Variants in PTPRD observed in about 807,000 individuals in gnomAD.
PTPRD encodes protein tyrosine phosphatase receptor type D, also known as receptor-type tyrosine-protein phosphatase delta.
Under a neutral mutation model 214.5 loss-of-function variants are expected in PTPRD, and 34 were observed. The ratio of observed to expected loss-of-function variants is 0.16; its 90% CI spans 0.12 to 0.21. The LOEUF is 0.21. PTPRD is among the 10% of genes least tolerant of loss of function. The pLI is 1.00. For missense variants in PTPRD, 2,545 were observed against 2,398.7 expected (o/e 1.06, Z -1.27); for synonymous variants, 1,128 against 845.7 (o/e 1.33, Z -5.79).
chr9:9,981,575 T>C (rs577962737), intron 4 of PTPRD, among the ~76,000 whole-genome samples: 65 of 151,990 alleles, frequency 4.3e-4, no homozygotes, highest in African/African-American at 1.5e-3. Context: ...TTAGCCAGGA[T>C]GGTCTCGATC....
chr9:9,902,460 G>T (rs555952406), intron 5 of PTPRD, among the ~76,000 whole-genome samples: 2 of 152,038 alleles, frequency 1.3e-5, no homozygotes, highest in Non-Finnish European at 2.9e-5. Flanking sequence ...TCACTAAAAT[G>T]CAAGAGTCAT....
chr9:9,728,645 C>T (rs2098133365), intron 7 of PTPRD, among the ~76,000 whole-genome samples: 1 of 152,048 alleles, frequency 6.6e-6, no homozygotes. Flanking sequence ...ACTTTGGGCA[C>T]CACATCAAAA....
chr9:8,508,626 TC>T (rs1315523877), intron 21 of PTPRD, among the ~76,000 whole-genome samples: 2 of 152,104 alleles, frequency 1.3e-5, no homozygotes, highest in Non-Finnish European at 2.9e-5. Flanking sequence ...TAAAAAAACA[TC>T]TAAAGTGTGC....
chr9:9,648,075 T>C (rs1343393519), intron 7 of PTPRD, among the ~76,000 whole-genome samples: 2 of 152,196 alleles, frequency 1.3e-5, no homozygotes, highest in Non-Finnish European at 2.9e-5. Context: ...GTTACGACAA[T>C]TGGACTTCTC....
intron 2 of PTPRD, among the ~76,000 whole-genome samples, chr9:10,460,935 C>T (rs1410862215): frequency 2.0e-5 from 3 of 151,860 alleles, no homozygotes; most frequent in Non-Finnish European, 4.4e-5. Context: ...AAGAAAAAAT[C>T]AACAAAATGA....
intron 11 of PTPRD, among the ~76,000 whole-genome samples, chr9:8,966,241 GA>G: frequency 6.6e-6 from 1 of 151,640 alleles, no homozygotes; most frequent in East Asian, 1.9e-4. Context: ...CACATAATTG[GA>G]AAAAAACTGC....
chr9:8,384,629 C>T (rs897653358), intron 37 of PTPRD, among the ~76,000 whole-genome samples: 17 of 152,248 alleles, frequency 1.1e-4, no homozygotes, highest in African/African-American at 1.4e-4. Flanking sequence ...CCGGGTCAAG[C>T]GATTCTCCTG....
chr9:9,476,313 C>A lies in PTPRD; in HGVS notation c.-236-78831G>T, dbSNP rs562251503. Among the ~76,000 whole-genome samples, 35 of 152,250 alleles carry A rather than the reference C, an allele frequency of 2.3e-4. 1 individual carries two copies. Among genetic ancestry groups the A allele is most frequent in the African/African-American group, 7.9e-4 (33 of 41,552 alleles). ...TATTTCTATTCACTCTGCCCATTTT[C>A]TTTTTAAATTGTGAATTACATGGTG... On this transcript the variant is annotated intron_variant, in intron 8 of 45. Coordinates refer to ENST00000381196, the MANE Select transcript of PTPRD (RefSeq NM_002839.4).
rs578110321 is a variant in PTPRD at position 8,516,906 on chromosome 9, G to A, written c.1543+942C>T. 7.4e-5 allele frequency among the ~76,000 whole-genome samples: 11 copies of A among 148,638 alleles called. No homozygotes were observed. In the South Asian group the frequency reaches 2.4e-3, roughly 32 times the overall value. ...GCAAACTTGCAAACTCCATCTCCCA[G>A]GTTCAAGTGATTCTCCTGCCTCAGC... On this transcript the variant is annotated intron_variant, in intron 21 of 45. Coordinates refer to ENST00000381196, the MANE Select transcript of PTPRD (RefSeq NM_002839.4).
At chr9:9,448,311 G>A (rs993708492) in intron 8 of PTPRD, among the ~76,000 whole-genome samples, 1 of 152,008 alleles carries the variant, frequency 6.6e-6, no homozygotes, top group Non-Finnish European at 1.5e-5. Flanking sequence ...AGGAGGGAGG[G>A]ACCTGTAATC....
intron 3 of PTPRD, among the ~76,000 whole-genome samples, chr9:10,329,384 T>C (rs972152266): frequency 2.0e-5 from 3 of 151,850 alleles, no homozygotes; most frequent in African/African-American, 7.2e-5. Flanking sequence ...CTAAGGGATT[T>C]AAGAGTAGTA....
At chr9:10,530,915 T>C (rs577749466) in intron 2 of PTPRD, among the ~76,000 whole-genome samples, 1 of 152,222 alleles carries the variant, frequency 6.6e-6, no homozygotes, top group South Asian at 2.1e-4. Context: ...ATAGTTATAA[T>C]TAATCGATAC....
chr9:10,109,325 G>C (rs2098668053), intron 3 of PTPRD, among the ~76,000 whole-genome samples: 1 of 152,174 alleles, frequency 6.6e-6, no homozygotes, highest in African/African-American at 2.4e-5. Context: ...AGAAACGGTT[G>C]ATGTTAAATT....
chr9:9,161,444 C>T (rs2099888622), intron 10 of PTPRD, among the ~76,000 whole-genome samples: 1 of 152,044 alleles, frequency 6.6e-6, no homozygotes, highest in African/African-American at 2.4e-5. Context: ...CTAAAGTGAT[C>T]ACAAGATGCT....
chr9:9,568,677 T>C (rs571044690), intron 8 of PTPRD, among the ~76,000 whole-genome samples: 301 of 152,042 alleles, frequency 2.0e-3, no homozygotes, highest in Middle Eastern at 3.4e-3. Context: ...TAAACGATAA[T>C]CAGATGCTAT....
chr9:9,685,707 GA>G (rs879549835), intron 7 of PTPRD, among the ~76,000 whole-genome samples: 144 of 142,640 alleles, frequency 1.0e-3, no homozygotes, highest in Admixed American at 2.0e-3. Flanking sequence ...CCATTACCCA[GA>G]AAAAAAAAAA....
At chr9:10,578,024 G>A (rs1031570140) in intron 2 of PTPRD, among the ~76,000 whole-genome samples, 3 of 151,278 alleles carry the variant, frequency 2.0e-5, no homozygotes, top group Non-Finnish European at 4.4e-5. Context: ...CGATTCTCTT[G>A]CCTCAGCTTC....
At chr9:9,378,286 CT>C (rs2061330177) in intron 9 of PTPRD, among the ~76,000 whole-genome samples, 3 of 152,212 alleles carry the variant, frequency 2.0e-5, no homozygotes, top group Non-Finnish European at 4.4e-5. Flanking sequence ...CAGTATATAT[CT>C]TTTTCAGATG....
At chr9:10,199,911 G>GCACACA (rs772202474) in intron 3 of PTPRD, among the ~76,000 whole-genome samples, 1 of 82,840 alleles carries the variant, frequency 1.2e-5, no homozygotes, top group South Asian at 4.7e-4. Flanking sequence ...GCGCACACAC[G>GCACACA]CACACACACA....
Sources: allele counts gnomAD v4.1 joint callset (sites outside exome capture counted in the v4.1 genomes callset), GRCh38; gene constraint gnomAD v4.1.1; transcripts MANE v1.5; gene names NCBI Gene and HGNC (gene_info 2026-07-23, HGNC 2026-07-21).